The following IFFO2 variants were observed in gnomAD, a reference collection of about 807,000 sequenced individuals.
IFFO2 encodes the protein intermediate filament family orphan 2.
IFFO2 carries 19 observed loss-of-function variants against 53.5 expected under a neutral mutation model. The ratio of observed to expected loss-of-function variants is 0.36; its 90% CI spans 0.25 to 0.52. IFFO2 has a LOEUF of 0.52. Ranked by LOEUF, IFFO2 falls within the 20% of genes least tolerant of loss-of-function variation. The pLI is 0.94. For synonymous variants in IFFO2, 303 were observed against 313.6 expected (o/e 0.97, Z 0.36); for missense variants, 570 against 727.4 (o/e 0.78, Z 2.49).
In IFFO2 at chr1:18,917,306, A is replaced by G. The variant is rs958962335; in HGVS notation, c.964-264T>C. Among the ~76,000 whole-genome samples, 9 of 152,054 alleles carry G rather than the reference A, an allele frequency of 5.9e-5. No individual in the cohort carries two copies. The highest frequency in any genetic ancestry group is 1.7e-4 in the African/African-American group (7 of 41,402). ...GTGCGCCGGCTCGGCTCGCCCTTTTACCACAGAAGCAGCCCCACAGTTTGG... is the reference window on the plus strand; with the variant it reads ...GTGCGCCGGCTCGGCTCGCCCTTTTGCCACAGAAGCAGCCCCACAGTTTGG... On this transcript the variant is annotated intron_variant, in intron 4 of 8. Coordinates refer to ENST00000455833, the MANE Select transcript of IFFO2 (RefSeq NM_001136265.2). The surrounding 1 kb of genome is among the most constrained non-coding windows in gnomAD (Gnocchi z 5.9).
At chr1:18,943,100 C>T (rs1569862402) in intron 1 of IFFO2, among the ~76,000 whole-genome samples, 1 of 152,146 alleles carries the variant, frequency 6.6e-6, no homozygotes, top group South Asian at 2.1e-4. Flanking sequence ...GCCATGGTGG[C>T]TCACATCTGT....
At chr1:18,945,254 C>T (rs766599330) in intron 1 of IFFO2, among the ~76,000 whole-genome samples, 3 of 152,154 alleles carry the variant, frequency 2.0e-5, no homozygotes, top group Non-Finnish European at 4.4e-5. Flanking sequence ...CCCAGACCTC[C>T]GAGACTCTCT....
rs749934529 is a variant in IFFO2 at position 18,918,466 on chromosome 1, C to A, written c.859G>T (p.Ala287Ser). The A allele has an allele frequency of 5.1e-6, 8 of 1,560,346 alleles. No individual in the cohort carries two copies. In the Admixed American group the frequency reaches 1.3e-4, roughly 26 times the overall value. ...CAGATGTCCATGTCCACCTTCATGG[C>A]CTTTTCTTGGATCTTTGTGTCCAGG... ...TDLDTKIQEK[A>S]MKVDMDICRR... The change falls in exon 4 of 9, where the codon GCC (alanine) becomes TCC (serine). Residue 287 changes from alanine to serine, a missense_variant. Coordinates refer to ENST00000455833, the MANE Select transcript of IFFO2 (RefSeq NM_001136265.2). This position sits in a 1 kb window ranked among gnomAD's most constrained non-coding sequence, Gnocchi z 5.2.
intron 8 of IFFO2, among the ~76,000 whole-genome samples, chr1:18,908,986 G>C (rs755702399): frequency 6.6e-6 from 1 of 151,870 alleles, no homozygotes; most frequent in Non-Finnish European, 1.5e-5. Context: ...AGTAAAACCT[G>C]AATGACTCAG....
chr1:18,934,082 T>TTTA lies in IFFO2; in HGVS notation c.666-12962_666-12961insTAA, dbSNP rs1284312161. 3.7e-4 allele frequency among the ~76,000 whole-genome samples: 53 copies of TTTA among 142,052 alleles called. 1 individual carries two copies. The highest frequency in any genetic ancestry group is 7.3e-4 in the Non-Finnish European group (48 of 65,530). 93.2% of individuals were successfully genotyped at this position (142,052 alleles called of 152,430 possible). On this transcript the variant is annotated intron_variant, in intron 1 of 8. Transcript: ENST00000455833. Reference sequence around the variant, plus strand: ...CTTTTTTTTTTTTTTTTTTTTTTTTTTTGAGACAGCGTCTCACTCTGTTGC... The same window carrying TTTA: ...CTTTTTTTTTTTTTTTTTTTTTTTTTTTATTGAGACAGCGTCTCACTCTGTTGC...
chr1:18,949,306 C>G (rs1385474843), intron 1 of IFFO2, among the ~76,000 whole-genome samples: 1 of 152,262 alleles, frequency 6.6e-6, no homozygotes, highest in Non-Finnish European at 1.5e-5. Flanking sequence ...AGCCGGCCCC[C>G]ACAGAGCTTC....
chr1:18,920,004 G>A (rs918418675), intron 2 of IFFO2, among the ~76,000 whole-genome samples: 1 of 152,214 alleles, frequency 6.6e-6, no homozygotes, highest in African/African-American at 2.4e-5. Context: ...ATCCATGGAA[G>A]GTATTAAAAG....
At chr1:18,931,176 A>T (rs1236913470) in intron 1 of IFFO2, among the ~76,000 whole-genome samples, 1 of 152,100 alleles carries the variant, frequency 6.6e-6, no homozygotes, top group Non-Finnish European at 1.5e-5. Context: ...TGTCTCAAAA[A>T]CAAACAAAAA....
chr1:18,931,482 C>T (rs1396636988), intron 1 of IFFO2, among the ~76,000 whole-genome samples: 2 of 152,176 alleles, frequency 1.3e-5, no homozygotes, highest in Non-Finnish European at 2.9e-5. Flanking sequence ...ATGACTTCCC[C>T]AGAATAAGTC....
At chr1:18,924,428 A>G (rs947893205) in intron 1 of IFFO2, among the ~76,000 whole-genome samples, 7 of 152,176 alleles carry the variant, frequency 4.6e-5, no homozygotes, top group African/African-American at 1.7e-4. Flanking sequence ...TTTCAGGCAG[A>G]GGGACCAACA....
chr1:18,941,298 G>C (rs1386721154), intron 1 of IFFO2, among the ~76,000 whole-genome samples: 3 of 152,240 alleles, frequency 2.0e-5, no homozygotes, highest in African/African-American at 4.8e-5. Flanking sequence ...GCCTCCCAAG[G>C]CTTCTCTGTT....
chr1:18,940,968 G>C (rs976532515), intron 1 of IFFO2, among the ~76,000 whole-genome samples: 1 of 152,172 alleles, frequency 6.6e-6, no homozygotes, highest in Admixed American at 6.5e-5. Context: ...TTCCAAAGCT[G>C]GGTGCAACAC....
At chr1:18,920,535 G>A (rs778103556) in intron 2 of IFFO2, among the ~76,000 whole-genome samples, 4 of 152,212 alleles carry the variant, frequency 2.6e-5, no homozygotes, top group South Asian at 2.1e-4. Context: ...AGGTTACACC[G>A]CAGGTGGGGG....
In IFFO2 at chr1:18,908,381, C is replaced by G. The variant is rs927720904; in HGVS notation, c.*180G>C. On this transcript the variant is annotated 3_prime_UTR_variant, in exon 9 of 9. Coordinates refer to ENST00000455833, the MANE Select transcript of IFFO2 (RefSeq NM_001136265.2). The stretch of plus-strand genomic sequence containing the variant: ...GGGTGGGGGATGGAGACGGGGCACC[C>G]GTTGGTGGTGTGGAAGGAAGGAAGG... 1.7e-6 allele frequency: 1 copy of G among 585,190 alleles called. No individual in the cohort carries two copies. Among genetic ancestry groups the G allele is most frequent in the Non-Finnish European group, 3.1e-6 (1 of 324,924 alleles). 36.2% of individuals were successfully genotyped at this position (585,190 alleles called of 1,614,324 possible).
chr1:18,906,940 A>C lies in IFFO2; in HGVS notation c.*1621T>G, dbSNP rs550953369. The C allele has an allele frequency of 6.6e-6, 1 of 152,306 alleles. No individual in the cohort carries two copies. Among genetic ancestry groups the C allele is most frequent in the Non-Finnish European group, 1.5e-5 (1 of 68,026 alleles). 9.4% of individuals were successfully genotyped at this position (152,306 alleles called of 1,614,324 possible). On this transcript the variant is annotated 3_prime_UTR_variant, in exon 9 of 9. Transcript: ENST00000455833. ...CTCTCTACATATATCTTTTATGTAC[A>C]GTATTTTTAAGACTGTAACACAGGT...
intron 1 of IFFO2, among the ~76,000 whole-genome samples, chr1:18,929,912 A>C (rs1399819441): frequency 6.6e-6 from 1 of 152,192 alleles, no homozygotes; most frequent in African/African-American, 2.4e-5. Context: ...GCCAGAAAAC[A>C]ACTGCCATGA....
chr1:18,924,943 C>T (rs1936261722), intron 1 of IFFO2, among the ~76,000 whole-genome samples: 1 of 152,318 alleles, frequency 6.6e-6, no homozygotes, highest in African/African-American at 2.4e-5. Flanking sequence ...CTACCCTGTC[C>T]CCACTTTACA....
At position 18,956,060 on chromosome 1, in the gene IFFO2, C is replaced by T. The variant is rs1433650712; in HGVS notation, c.273G>A (p.Glu91=). The change falls in exon 1 of 9, where the codon GAG becomes GAA. Residue 91 remains glutamate (E), a synonymous_variant. Transcript: ENST00000455833. This position sits in a 1 kb window ranked among gnomAD's most constrained non-coding sequence, Gnocchi z 6.4. Reference sequence around the variant, plus strand: ...TCTTGTAGCGCAGCCGCCGCTCGCGCTCGCTCTGCTGCTGCTCCAGCTGCT... The same window carrying T: ...TCTTGTAGCGCAGCCGCCGCTCGCGTTCGCTCTGCTGCTGCTCCAGCTGCT... The part of the protein sequence containing the change: ...LEKQLEQQQS[E]RERRLRYKTF... The T allele has an allele frequency of 6.7e-7, 1 of 1,485,208 alleles. No individual in the cohort carries two copies. The allele number at this position is 1,485,208 out of a possible 1,614,324, so 92.0% of individuals were successfully genotyped here. A position where few individuals can be genotyped will look rare whatever the true frequency, so the allele number is the denominator to read the frequency against.
Position 18,917,765 on chromosome 1 carries a change from C to A in IFFO2, c.963+597G>T, listed in dbSNP as rs1936156689. ...ATTCGGCTGGACTGGCCCCCCAAGC[C>A]CTCTCTGGAAGACAGCCTCACTGGC... On this transcript the variant is annotated intron_variant, in intron 4 of 8. Transcript: ENST00000455833. This position sits in a 1 kb window ranked among gnomAD's most constrained non-coding sequence, Gnocchi z 5.9. Among the ~76,000 whole-genome samples the A allele has an allele frequency of 6.6e-6, 1 of 152,144 alleles. No homozygotes were observed. The highest frequency in any genetic ancestry group is 2.4e-5 in the African/African-American group (1 of 41,424).
Sources: gnomAD v4.1 joint callset for allele counts (sites outside exome capture counted in the v4.1 genomes callset) on GRCh38, gnomAD v4.1.1 for gene constraint, Gnocchi (gnomAD v3.1) non-coding constraint, MANE v1.5 for transcripts, NCBI Gene and HGNC (gene_info 2026-07-23, HGNC 2026-07-21) for gene names.